Variants in ARHGAP22 observed in about 807,000 individuals in gnomAD.
The protein encoded by ARHGAP22 is rho GTPase-activating protein 22.
Under a neutral mutation model 59.1 loss-of-function variants are expected in ARHGAP22, and 48 were observed. That is an observed-to-expected ratio of 0.81 (90% confidence interval 0.64 to 1.03). The LOEUF (loss-of-function observed/expected upper bound fraction) is 1.03. Among genes scored for constraint, ARHGAP22 ranks in the 50% least tolerant of loss-of-function variants. The pLI is 0.00. For synonymous variants in ARHGAP22, 445 were observed against 416.4 expected (o/e 1.07, Z -0.84); for missense variants, 1,015 against 958.7 (o/e 1.06, Z -0.78).
At chr10:48,547,868 C>T (rs2056581549) in intron 3 of ARHGAP22, among the ~76,000 whole-genome samples, 1 of 152,214 alleles carries the variant, frequency 6.6e-6, no homozygotes, top group African/African-American at 2.4e-5. Context: ...CTCAGCCCTG[C>T]AGAAATACAG....
At chr10:48,433,244 A>G in the ARHGAP22 span, among the ~76,000 whole-genome samples, 1 of 152,218 alleles carries the variant, frequency 6.6e-6, no homozygotes, top group Non-Finnish European at 1.5e-5. Context: ...AAAGTTAACA[A>G]TGCATTTAAA....
At chr10:48,530,349 T>C (rs907047981) in intron 3 of ARHGAP22, among the ~76,000 whole-genome samples, 5 of 151,548 alleles carry the variant, frequency 3.3e-5, no homozygotes, top group South Asian at 2.1e-4. Flanking sequence ...CTTTTAGACA[T>C]TGGCTTAGGC....
chr10:48,451,748 C>T (rs1470513034), intron 8 of ARHGAP22: 2 of 597,888 alleles, frequency 3.3e-6, no homozygotes, highest in African/African-American at 3.8e-5. Flanking sequence ...ATGCACCCAC[C>T]CAGCCTCCCC....
intron 4 of ARHGAP22, among the ~76,000 whole-genome samples, chr10:48,472,552 A>C (rs1589592755): frequency 6.6e-6 from 1 of 152,258 alleles, no homozygotes; most frequent in East Asian, 1.9e-4. Flanking sequence ...AATAAAACAA[A>C]ATAAAATAAA....
chr10:48,478,644 A>G (rs2048966536), intron 4 of ARHGAP22, among the ~76,000 whole-genome samples: 1 of 152,196 alleles, frequency 6.6e-6, no homozygotes, highest in South Asian at 2.1e-4. Context: ...CCTGGCCCCA[A>G]TGCCATGGTG....
upstream of ARHGAP22, among the ~76,000 whole-genome samples, chr10:48,608,007 C>A (rs2135947947): frequency 6.6e-6 from 1 of 152,320 alleles, no homozygotes; most frequent in South Asian, 2.1e-4. Flanking sequence ...CATTAGGGAG[C>A]TCTGACAGTG....
rs1177792314 is a variant in ARHGAP22 at position 48,623,750 on chromosome 10, G to T, written c.52+28484C>A. On this transcript the variant is annotated intron_variant, in intron 1 of 9. Coordinates refer to the ARHGAP22 transcript ENST00000435790. The stretch of plus-strand genomic sequence containing the variant: ...GATCTCCAGGGCAGGTCTGGGGTTG[G>T]CATGGAAGCTGCTGCAGTGAGAATG... 2.6e-5 allele frequency among the ~76,000 whole-genome samples: 4 copies of T among 152,184 alleles called. No individual in the cohort carries two copies. In the South Asian group the frequency reaches 8.3e-4, roughly 32 times the overall value.
At chr10:48,448,473 T>C (rs1732557681) in intron 9 of ARHGAP22, among the ~76,000 whole-genome samples, 1 of 152,184 alleles carries the variant, frequency 6.6e-6, no homozygotes, top group Admixed American at 6.5e-5. Flanking sequence ...CTGCACAGCA[T>C]CTGGTACTTC....
chr10:48,502,489 CT>C (rs1257595369), intron 3 of ARHGAP22, among the ~76,000 whole-genome samples: 1 of 152,174 alleles, frequency 6.6e-6, no homozygotes. Flanking sequence ...CACTGGGCTC[CT>C]GCTTGATGAG....
At chr10:48,511,159 A>G (rs2052724431) in intron 3 of ARHGAP22, among the ~76,000 whole-genome samples, 1 of 152,212 alleles carries the variant, frequency 6.6e-6, no homozygotes, top group Non-Finnish European at 1.5e-5. Context: ...TGGTGTCTAC[A>G]AAGGACCTTG....
At chr10:48,542,886 G>A (rs763393614) in intron 3 of ARHGAP22, among the ~76,000 whole-genome samples, 1 of 152,182 alleles carries the variant, frequency 6.6e-6, no homozygotes, top group African/African-American at 2.4e-5. Context: ...CCTTGCCCAG[G>A]TTGGTGTCTG....
intron 3 of ARHGAP22, among the ~76,000 whole-genome samples, chr10:48,495,677 G>A (rs996498786): frequency 7.2e-5 from 11 of 152,182 alleles, no homozygotes; most frequent in Non-Finnish European, 1.5e-4. Context: ...ATTACTCCTC[G>A]TGAAGGTGGG....
At chr10:48,598,290 C>G (rs962174265) in intron 1 of ARHGAP22, among the ~76,000 whole-genome samples, 1 of 152,180 alleles carries the variant, frequency 6.6e-6, no homozygotes, top group African/African-American at 2.4e-5. Context: ...TACAAACAGC[C>G]ACCTTCATCT....
At chr10:48,627,050 A>G (rs1425160799) in intron 1 of ARHGAP22, among the ~76,000 whole-genome samples, 1 of 152,212 alleles carries the variant, frequency 6.6e-6, no homozygotes, top group Non-Finnish European at 1.5e-5. Context: ...GATGGGGTTC[A>G]GGGAGCTTCC....
chr10:48,506,228 T>C (rs1442453564), intron 3 of ARHGAP22, among the ~76,000 whole-genome samples: 2 of 152,006 alleles, frequency 1.3e-5, no homozygotes, highest in Non-Finnish European at 2.9e-5. Flanking sequence ...CTGAGAAATA[T>C]GTCATTAAGC....
At chr10:48,439,945 C>T in the ARHGAP22 span, among the ~76,000 whole-genome samples, 182 of 152,298 alleles carry the variant, frequency 1.2e-3, no homozygotes, top group African/African-American at 3.8e-3. Flanking sequence ...TTTAGCTGCC[C>T]GCTGCTGCTG....
intron 4 of ARHGAP22, among the ~76,000 whole-genome samples, chr10:48,469,871 T>G (rs1314205886): frequency 1.3e-5 from 2 of 152,164 alleles, no homozygotes; most frequent in African/African-American, 4.8e-5. Flanking sequence ...GGCATCCTGC[T>G]CTCTACAGCA....
chr10:48,596,092 G>T lies in ARHGAP22; in HGVS notation c.34+8671C>A, dbSNP rs147731726. Among the ~76,000 whole-genome samples the T allele has an allele frequency of 1.6e-4, 25 of 152,332 alleles. No homozygotes were observed. In the East Asian group the frequency reaches 1.9e-3, roughly 12 times the overall value. Reference sequence around the variant, plus strand: ...AATATAAAAGATTGCATTCTTGAAAGTTATTTTAATCAATGCTTCCTGGGT... The same window carrying T: ...AATATAAAAGATTGCATTCTTGAAATTTATTTTAATCAATGCTTCCTGGGT... On this transcript the variant is annotated intron_variant, in intron 1 of 9. Transcript: ENST00000249601.
At chr10:48,492,048 C>G (rs560315869) in intron 3 of ARHGAP22, among the ~76,000 whole-genome samples, 5 of 151,976 alleles carry the variant, frequency 3.3e-5, no homozygotes, top group Non-Finnish European at 7.4e-5. Context: ...GGGGGAGGCT[C>G]GAAAATGCAG....
Sources: allele counts gnomAD v4.1 joint callset (sites outside exome capture counted in the v4.1 genomes callset), GRCh38; gene constraint gnomAD v4.1.1; transcripts MANE v1.5; gene names NCBI Gene and HGNC (gene_info 2026-07-23, HGNC 2026-07-21).